The following SCAI variants were observed in gnomAD, a reference collection of about 807,000 sequenced individuals.
SCAI encodes protein SCAI.
SCAI carries 24 observed loss-of-function variants against 92.2 expected under a neutral mutation model. The observed-to-expected ratio is 0.26, with a 90% CI of 0.19 to 0.37. The LOEUF (loss-of-function observed/expected upper bound fraction) is 0.37, where lower values mean the gene tolerates loss of function less well. SCAI is among the 10% of genes least tolerant of loss of function. SCAI has a pLI of 1.00. For missense variants in SCAI, 450 were observed against 736.2 expected (o/e 0.61, Z 4.50); for synonymous variants, 261 against 258.6 (o/e 1.01, Z -0.09).
intron 2 of SCAI, among the ~76,000 whole-genome samples, chr9:125,102,770 GTA>G (rs1389641924): frequency 2.6e-5 from 4 of 152,072 alleles, no homozygotes; most frequent in Non-Finnish European, 4.4e-5. Flanking sequence ...GCTAATCTTT[GTA>G]TTTTCAGTAG....
At chr9:125,081,178 G>A (rs1244474653) in intron 2 of SCAI, among the ~76,000 whole-genome samples, 2 of 152,212 alleles carry the variant, frequency 1.3e-5, no homozygotes, top group African/African-American at 4.8e-5. Flanking sequence ...TGGTAACAGT[G>A]GAGTGGGGCT....
Position 124,951,307 on chromosome 9 carries a change from C to T in SCAI, c.*1500G>A, listed in dbSNP as rs528918699. ...AGATCACAAGGTCAGGAGTTTGAGA[C>T]CAGCCTGACCAACATGGTGAAACCC... On this transcript the variant is annotated 3_prime_UTR_variant, in exon 18 of 18. Transcript: ENST00000336505. The T allele has an allele frequency of 6.6e-6, 1 of 151,636 alleles. No individual in the cohort carries two copies. The highest frequency in any genetic ancestry group is 2.4e-5 in the African/African-American group (1 of 41,234). 9.4% of individuals were successfully genotyped at this position (151,636 alleles called of 1,614,324 possible). A position where few individuals can be genotyped will look rare whatever the true frequency, so the allele number is the denominator to read the frequency against.
chr9:125,046,717 A>C (rs1833452116), intron 3 of SCAI, among the ~76,000 whole-genome samples: 1 of 151,054 alleles, frequency 6.6e-6, no homozygotes, highest in African/African-American at 2.4e-5. Flanking sequence ...AAAAAAAAAA[A>C]AACTAACTAC....
At chr9:124,962,565 C>T (rs774116192) in intron 17 of SCAI, among the ~76,000 whole-genome samples, 13 of 152,104 alleles carry the variant, frequency 8.5e-5, no homozygotes, top group African/African-American at 1.4e-4. Flanking sequence ...TGGCTGCTAA[C>T]GTAGCTACAG....
intron 3 of SCAI, among the ~76,000 whole-genome samples, chr9:125,034,467 A>G (rs1444966039): frequency 6.6e-6 from 1 of 152,150 alleles, no homozygotes; most frequent in African/African-American, 2.4e-5. Flanking sequence ...AGGGTACAGC[A>G]GTTCATGTCT....
At position 125,043,724 on chromosome 9, in the gene SCAI, G is replaced by A. The variant is rs560078500; in HGVS notation, c.230+12152C>T. Reference sequence around the variant, plus strand: ...CAACCTCTCCCTCCCAGGTTCAAGCGATTCTCACGCCTTAGCCTCTCAAGT... The same window carrying A: ...CAACCTCTCCCTCCCAGGTTCAAGCAATTCTCACGCCTTAGCCTCTCAAGT... On this transcript the variant is annotated intron_variant, in intron 3 of 17. Transcript: ENST00000336505. 2.7e-4 allele frequency among the ~76,000 whole-genome samples: 41 copies of A among 152,296 alleles called. No homozygotes were observed. In the South Asian group the frequency reaches 8.3e-3, roughly 31 times the overall value.
At chr9:125,106,551 T>C (rs575116826) in intron 2 of SCAI, among the ~76,000 whole-genome samples, 1 of 152,210 alleles carries the variant, frequency 6.6e-6, no homozygotes, top group African/African-American at 2.4e-5. Context: ...AACATGTGAA[T>C]CTTAAACTAA....
chr9:124,985,389 G>A (rs1451075275), intron 14 of SCAI, among the ~76,000 whole-genome samples: 1 of 152,064 alleles, frequency 6.6e-6, no homozygotes, highest in Non-Finnish European at 1.5e-5. Flanking sequence ...AGTGCCTCTG[G>A]GTGTCTGGCA....
chr9:125,118,014 C>T (rs1351282829), intron 2 of SCAI, among the ~76,000 whole-genome samples: 2 of 152,110 alleles, frequency 1.3e-5, no homozygotes, highest in African/African-American at 4.8e-5. Flanking sequence ...CCCTAATAAG[C>T]ACTAGCACTC....
chr9:124,985,222 C>T (rs1831962772), intron 14 of SCAI, among the ~76,000 whole-genome samples: 1 of 152,188 alleles, frequency 6.6e-6, no homozygotes, highest in African/African-American at 2.4e-5. Context: ...CTCTCCCTTC[C>T]ATGATCACTC....
chr9:124,989,799 C>T (rs1242226693), intron 14 of SCAI, among the ~76,000 whole-genome samples: 7 of 150,422 alleles, frequency 4.7e-5, no homozygotes, highest in African/African-American at 7.4e-5. Flanking sequence ...AGGAGAATGG[C>T]CTGAACTTGG....
At chr9:124,957,768 G>C (rs966011961) in intron 17 of SCAI, among the ~76,000 whole-genome samples, 1 of 149,308 alleles carries the variant, frequency 6.7e-6, no homozygotes, top group South Asian at 2.1e-4. Context: ...CACAACCTCC[G>C]CCTCCCGGGA....
intron 14 of SCAI, among the ~76,000 whole-genome samples, chr9:124,982,787 T>C (rs1257919399): frequency 2.0e-5 from 3 of 152,044 alleles, no homozygotes; most frequent in African/African-American, 7.2e-5. Context: ...TTCTAGCCAG[T>C]GATGGGGCTG....
At chr9:125,083,347 G>A (rs7857120) in intron 2 of SCAI, among the ~76,000 whole-genome samples, 4,789 of 151,838 alleles carry the variant, frequency 0.032, 113 homozygotes, top group Middle Eastern at 0.071. Context: ...GTGAAACCTC[G>A]TCTTTGCTAA....
At chr9:125,047,779 AAG>A (rs1833475914) in intron 3 of SCAI, among the ~76,000 whole-genome samples, 1 of 152,214 alleles carries the variant, frequency 6.6e-6, no homozygotes, top group African/African-American at 2.4e-5. Context: ...CTGTGTTTCA[AAG>A]ACTTAGTATA....
At chr9:125,009,051 T>C (rs1262105961) in intron 9 of SCAI, among the ~76,000 whole-genome samples, 1 of 152,030 alleles carries the variant, frequency 6.6e-6, no homozygotes, top group Non-Finnish European at 1.5e-5. Flanking sequence ...AAATTAAATC[T>C]TCAAAGTGCT....
At chr9:125,017,965 T>C (rs1365922206) in intron 9 of SCAI, among the ~76,000 whole-genome samples, 3 of 151,610 alleles carry the variant, frequency 2.0e-5, no homozygotes, top group Non-Finnish European at 2.9e-5. Flanking sequence ...GCCAAAATCA[T>C]GACACTGCAC....
At chr9:124,980,583 T>C (rs561285860) in intron 14 of SCAI, among the ~76,000 whole-genome samples, 59 of 152,184 alleles carry the variant, frequency 3.9e-4, no homozygotes, top group Non-Finnish European at 7.2e-4. Flanking sequence ...ACAAGACCAG[T>C]TCCCAATAAA....
intron 14 of SCAI, among the ~76,000 whole-genome samples, chr9:124,980,986 G>A (rs889276649): frequency 3.3e-5 from 5 of 152,032 alleles, no homozygotes; most frequent in African/African-American, 7.3e-5. Context: ...ACTCTGTTCT[G>A]ATCTATTCAT....
Sources: gnomAD v4.1 joint callset for allele counts (sites outside exome capture counted in the v4.1 genomes callset) on GRCh38, gnomAD v4.1.1 for gene constraint, MANE v1.5 for transcripts, NCBI Gene and HGNC (gene_info 2026-07-23, HGNC 2026-07-21) for gene names.